RAP1GDS1: variants seen among roughly 807,000 people sequenced by gnomAD.
RAP1GDS1 encodes the protein RAP1, GTP-GDP dissociation stimulator 1.
Under a neutral mutation model 71.1 loss-of-function variants are expected in RAP1GDS1, and 35 were observed. The ratio of observed to expected loss-of-function variants is 0.49; its 90% confidence interval spans 0.38 to 0.65. The LOEUF is 0.65. Ranked by LOEUF, RAP1GDS1 falls within the 30% of genes least tolerant of loss-of-function variation. RAP1GDS1 has a pLI of 0.00. For synonymous variants in RAP1GDS1, 229 were observed against 243.1 expected (o/e 0.94, Z 0.54); for missense variants, 663 against 706.1 (o/e 0.94, Z 0.69).
chr4:98,388,616 C>T (rs1221845894), intron 5 of RAP1GDS1, among the ~76,000 whole-genome samples: 3 of 152,182 alleles, frequency 2.0e-5, no homozygotes, highest in Admixed American at 1.3e-4. Flanking sequence ...ATCCCAGCTA[C>T]TCGGGAGGCT....
chr4:98,407,662 T>C (rs1290689806), intron 7 of RAP1GDS1, among the ~76,000 whole-genome samples: 1 of 152,086 alleles, frequency 6.6e-6, no homozygotes, highest in Non-Finnish European at 1.5e-5. Flanking sequence ...AGAATGGACT[T>C]TGGAGACAGA....
chr4:98,404,640 G>T, intron 7 of RAP1GDS1, 38 bp downstream of exon 7: 1 of 1,577,488 alleles, frequency 6.3e-7, no homozygotes, highest in Non-Finnish European at 8.6e-7. Flanking sequence ...TTTTGATCAT[G>T]TATGCTTTAA....
intron 4 of RAP1GDS1, among the ~76,000 whole-genome samples, chr4:98,373,098 T>G (rs1324586091): frequency 6.6e-6 from 1 of 152,246 alleles, no homozygotes; most frequent in Admixed American, 6.5e-5. Context: ...TCCAAATTTT[T>G]GTCTAGTATA....
chr4:98,311,345 T>C (rs1044769223), intron 2 of RAP1GDS1, among the ~76,000 whole-genome samples: 2 of 152,210 alleles, frequency 1.3e-5, no homozygotes, highest in Admixed American at 6.5e-5. Context: ...CTTAAGTATT[T>C]TTTAAAATAA....
chr4:98,295,834 A>G (rs1173394636), intron 2 of RAP1GDS1, among the ~76,000 whole-genome samples: 1 of 151,990 alleles, frequency 6.6e-6, no homozygotes, highest in South Asian at 2.1e-4. Context: ...TGATATATGT[A>G]TTTTATAGGC....
intron 2 of RAP1GDS1, among the ~76,000 whole-genome samples, chr4:98,323,786 G>A (rs1306773672): frequency 4.6e-5 from 7 of 151,608 alleles, no homozygotes; most frequent in Admixed American, 2.0e-4. Context: ...AATAATAAGA[G>A]CTATCTATGA....
intron 4 of RAP1GDS1, among the ~76,000 whole-genome samples, chr4:98,357,500 T>A (rs1438702989): frequency 6.6e-6 from 1 of 151,900 alleles, no homozygotes; most frequent in Admixed American, 6.6e-5. Flanking sequence ...AAATATAGAT[T>A]GAAGTAGATG....
In RAP1GDS1 at chr4:98,352,598, A is replaced by G. The variant is rs1243662907; in HGVS notation, c.358A>G (p.Ser120Gly). The change falls in exon 4 of 15, where the codon AGC becomes GGC. Residue 120 changes from serine (S) to glycine (G), a missense_variant. Coordinates refer to ENST00000408927, the MANE Select transcript of RAP1GDS1 (RefSeq NM_001100427.2). ...GRALGNICYD[S>G]HEGRSAVDQA... ...GGCTCTAGGAAACATATGTTACGATAGCCGTAAGTGTTGACATCTCAATAA... is the reference window on the plus strand; with the variant it reads ...GGCTCTAGGAAACATATGTTACGATGGCCGTAAGTGTTGACATCTCAATAA... 2.5e-6 allele frequency: 4 copies of G among 1,613,696 alleles called. No homozygotes were observed. The highest frequency in any genetic ancestry group is 2.5e-6 in the Non-Finnish European group (3 of 1,179,828).
chr4:98,313,408 A>G (rs6831730), intron 2 of RAP1GDS1, among the ~76,000 whole-genome samples: 11,270 of 152,286 alleles, frequency 0.074, 457 homozygotes, highest in Admixed American at 0.14. Flanking sequence ...TGGGCACTGT[A>G]GCCCAGCTAA....
chr4:98,382,196 T>C (rs1742119385), intron 5 of RAP1GDS1, among the ~76,000 whole-genome samples: 1 of 151,560 alleles, frequency 6.6e-6, no homozygotes, highest in Admixed American at 6.6e-5. Flanking sequence ...TGTTTCCCTA[T>C]TGGTGAAGCA....
intron 1 of RAP1GDS1, among the ~76,000 whole-genome samples, chr4:98,268,194 G>T (rs568800065): frequency 4.6e-5 from 7 of 152,112 alleles, no homozygotes; most frequent in African/African-American, 1.2e-4. Flanking sequence ...GATACACCAC[G>T]TTAACAGAAT....
chr4:98,357,370 T>C (rs1361741577), intron 4 of RAP1GDS1, among the ~76,000 whole-genome samples: 1 of 151,952 alleles, frequency 6.6e-6, no homozygotes. Context: ...TTGTATTTTA[T>C]GAGTTTATTA....
chr4:98,301,742 A>G (rs895745329), intron 2 of RAP1GDS1, among the ~76,000 whole-genome samples: 1 of 152,210 alleles, frequency 6.6e-6, no homozygotes, highest in Non-Finnish European at 1.5e-5. Context: ...ATCTGGTCTT[A>G]GATTAGATTC....
intron 4 of RAP1GDS1, among the ~76,000 whole-genome samples, chr4:98,360,050 A>C (rs1738498248): frequency 6.6e-6 from 1 of 152,156 alleles, no homozygotes. Context: ...CTTGGTATTA[A>C]ATTTAAATCC....
chr4:98,370,207 G>A (rs186697351), intron 4 of RAP1GDS1, among the ~76,000 whole-genome samples: 30 of 152,322 alleles, frequency 2.0e-4, no homozygotes, highest in Non-Finnish European at 3.2e-4. Context: ...AAAGGAGGGA[G>A]AGAATGCTAA....
At chr4:98,356,014 AG>A (rs1737918024) in intron 4 of RAP1GDS1, among the ~76,000 whole-genome samples, 1 of 152,150 alleles carries the variant, frequency 6.6e-6, no homozygotes, top group African/African-American at 2.4e-5. Context: ...TCTCTTTCGA[AG>A]TATCCGAACA....
At chr4:98,291,921 G>A (rs1265661486) in intron 1 of RAP1GDS1, among the ~76,000 whole-genome samples, 1 of 152,084 alleles carries the variant, frequency 6.6e-6, no homozygotes, top group Non-Finnish European at 1.5e-5. Context: ...ACTGCCAGGT[G>A]TCCAGTTTTA....
chr4:98,306,852 G>A (rs745467837), intron 2 of RAP1GDS1, among the ~76,000 whole-genome samples: 8 of 151,964 alleles, frequency 5.3e-5, no homozygotes, highest in African/African-American at 1.2e-4. Context: ...TTCTTACATC[G>A]TCTAAATGCT....
chr4:98,416,841 C>CT lies in RAP1GDS1; in HGVS notation c.861dup (p.Glu288Ter). 6.2e-7 allele frequency: 1 copy of CT among 1,613,986 alleles called. No homozygotes were observed. Among genetic ancestry groups the CT allele is most frequent in the Non-Finnish European group, 8.5e-7 (1 of 1,179,932 alleles). Reference sequence around the variant, plus strand: ...GATAGTGACAAAGAAGATGATATTACTGAGCTCAAAACTGGTTCAGATCTC... The same window carrying CT: ...GATAGTGACAAAGAAGATGATATTACTTGAGCTCAAAACTGGTTCAGATCTC... On this transcript the variant is annotated frameshift_variant, in exon 8 of 15. Transcript: ENST00000408927. LOFTEE classifies it high-confidence loss of function.
Sources: allele counts gnomAD v4.1 joint callset (sites outside exome capture counted in the v4.1 genomes callset), GRCh38; gene constraint gnomAD v4.1.1; transcripts MANE v1.5; gene names NCBI Gene and HGNC (gene_info 2026-07-23, HGNC 2026-07-21).